The following MOGAT1 variants were observed in gnomAD, a reference collection of about 807,000 sequenced individuals.
MOGAT1 encodes 2-acylglycerol O-acyltransferase 1.
In MOGAT1, 32 loss-of-function variants were observed where a neutral mutation model predicts 31.4. The observed-to-expected ratio is 1.02, with a 90% confidence interval of 0.77 to 1.37. The LOEUF (loss-of-function observed/expected upper bound fraction) is 1.37, where lower values mean the gene tolerates loss of function less well. MOGAT1 is among the 40% of genes most tolerant of loss of function. The pLI is 0.00. For synonymous variants in MOGAT1, 145 were observed against 144.5 expected (o/e 1.00, Z -0.03); for missense variants, 426 against 402.0 (o/e 1.06, Z -0.51).
chr2:222,707,431 G>A (rs1693022570), intron 5 of MOGAT1, among the ~76,000 whole-genome samples: 1 of 151,308 alleles, frequency 6.6e-6, no homozygotes, highest in Admixed American at 6.6e-5. Context: ...GGGAAGGGAG[G>A]CAAGGAAGGG....
Position 222,691,194 on chromosome 2 carries a change from TTTTTA to T in MOGAT1, c.478+1745_478+1749del, listed in dbSNP as rs1175352956. 4.6e-5 allele frequency among the ~76,000 whole-genome samples: 7 copies of T among 151,752 alleles called. No homozygotes were observed. In the South Asian group the frequency reaches 1.2e-3, roughly 27 times the overall value. ...CCCTGGTTTCTTTTTATTTATTTATTTTTTATTTTATTTTATTTTATTTTTTTTGA... is the reference window on the plus strand; with the variant it reads ...CCCTGGTTTCTTTTTATTTATTTATTTTTTATTTTATTTTATTTTTTTTGA... On this transcript the variant is annotated intron_variant, in intron 3 of 5. Coordinates refer to ENST00000446656, the MANE Select transcript of MOGAT1 (RefSeq NM_058165.3).
intron 1 of MOGAT1, among the ~76,000 whole-genome samples, chr2:222,686,938 C>T (rs1046094424): frequency 6.6e-6 from 1 of 151,650 alleles, no homozygotes; most frequent in Non-Finnish European, 1.5e-5. Flanking sequence ...CATGGCAAAA[C>T]CCTGTCTCTA....
intron 1 of MOGAT1, among the ~76,000 whole-genome samples, chr2:222,675,023 T>C (rs1396498201): frequency 6.6e-6 from 1 of 152,216 alleles, no homozygotes; most frequent in Non-Finnish European, 1.5e-5. Context: ...ATAAGACCCA[T>C]GCATTATATT....
intron 5 of MOGAT1, among the ~76,000 whole-genome samples, chr2:222,700,602 TATAAG>T (rs1346159737): frequency 6.6e-6 from 1 of 152,170 alleles, no homozygotes; most frequent in Non-Finnish European, 1.5e-5. Flanking sequence ...GATCTTAAGG[TATAAG>T]AATGGGAGTC....
At chr2:222,688,655 C>A in intron 2 of MOGAT1, 133 bp downstream of exon 2, 1 of 656,526 alleles carries the variant, frequency 1.5e-6, no homozygotes, top group South Asian at 2.3e-5. Flanking sequence ...TAACAGAATA[C>A]CAAAGACTAG....
chr2:222,701,231 G>A (rs913623064), intron 5 of MOGAT1, among the ~76,000 whole-genome samples: 4 of 151,598 alleles, frequency 2.6e-5, no homozygotes, highest in East Asian at 1.9e-4. Flanking sequence ...CTGCACTCCA[G>A]CCTGGGTGAC....
At chr2:222,708,330 C>A (rs1418218981) in intron 5 of MOGAT1, among the ~76,000 whole-genome samples, 1 of 152,234 alleles carries the variant, frequency 6.6e-6, no homozygotes, top group East Asian at 1.9e-4. Context: ...GTGATCCACC[C>A]GCCTCAGCCT....
intron 5 of MOGAT1, among the ~76,000 whole-genome samples, chr2:222,697,728 C>T (rs1001099820): frequency 3.9e-5 from 6 of 151,972 alleles, no homozygotes; most frequent in Non-Finnish European, 5.9e-5. Context: ...CATGCACCAC[C>T]ACACTCAGCT....
At chr2:222,683,592 G>C (rs1393742926) in intron 1 of MOGAT1, among the ~76,000 whole-genome samples, 1 of 152,062 alleles carries the variant, frequency 6.6e-6, no homozygotes, top group Non-Finnish European at 1.5e-5. Flanking sequence ...GCCAGCCATA[G>C]TGGCACGTGC....
chr2:222,706,050 C>A (rs1693000258), intron 5 of MOGAT1, among the ~76,000 whole-genome samples: 1 of 152,154 alleles, frequency 6.6e-6, no homozygotes. Flanking sequence ...GGGTTTAAGT[C>A]GTATTAATTT....
rs1349691753 is a variant in MOGAT1, at chr2:222,671,854, G to A, written c.69G>A (p.Gln23=). The A allele has an allele frequency of 2.6e-6, 4 of 1,552,196 alleles. 1 individual carries two copies. In the South Asian group the frequency reaches 4.8e-5, roughly 18 times the overall value. Residue 23 remains glutamine (Q), a synonymous_variant, in exon 1 of 6, where the codon CAG becomes CAA. Coordinates refer to ENST00000446656, the MANE Select transcript of MOGAT1 (RefSeq NM_058165.3). ...GGCTGCAGACGGTGGCCGTGCTGCAGTGGGTCCTGAAATACCTGCTGCTCG... is the reference window on the plus strand; with the variant it reads ...GGCTGCAGACGGTGGCCGTGCTGCAATGGGTCCTGAAATACCTGCTGCTCG... ...ARRLQTVAVL[Q]WVLKYLLLGP... is the part of the protein sequence containing the mutation.
intron 1 of MOGAT1, among the ~76,000 whole-genome samples, chr2:222,684,419 A>C (rs1329576353): frequency 6.6e-6 from 1 of 152,140 alleles, no homozygotes; most frequent in Non-Finnish European, 1.5e-5. Context: ...AAAAAAAAGA[A>C]AGAAAGGATT....
intron 3 of MOGAT1, among the ~76,000 whole-genome samples, chr2:222,691,072 A>G (rs573528129): frequency 6.6e-6 from 1 of 152,316 alleles, no homozygotes; most frequent in Non-Finnish European, 1.5e-5. Context: ...GCCTTATCAG[A>G]CACATATACT....
chr2:222,681,231 G>A (rs1013634956), intron 1 of MOGAT1, among the ~76,000 whole-genome samples: 1 of 152,136 alleles, frequency 6.6e-6, no homozygotes, highest in African/African-American at 2.4e-5. Flanking sequence ...CAGGTGAAGA[G>A]CTCAGTCTAC....
intron 5 of MOGAT1, among the ~76,000 whole-genome samples, chr2:222,709,492 G>A (rs1225907887): frequency 5.3e-5 from 8 of 152,210 alleles, no homozygotes; most frequent in Non-Finnish European, 2.9e-5. Context: ...TAGCTCATTT[G>A]ACTCAAAGTC....
chr2:222,678,572 G>A (rs1018758863), intron 1 of MOGAT1, among the ~76,000 whole-genome samples: 3 of 152,184 alleles, frequency 2.0e-5, no homozygotes, highest in Non-Finnish European at 4.4e-5. Flanking sequence ...TTGAAGAGCA[G>A]AAGTTTTAAT....
rs753245903 is a variant in MOGAT1 at position 222,695,075 on chromosome 2, CT to C, written c.654-11del. On this transcript the variant is annotated splice_polypyrimidine_tract_variant and intron_variant, in intron 4 of 5. Coordinates refer to ENST00000446656, the MANE Select transcript of MOGAT1 (RefSeq NM_058165.3). Reference sequence around the variant, plus strand: ...TTCATTGAAAATTCTCACCCGTCCCCTTTGTTATTGCAGCGCCTCTCTGGTC... The same window carrying C: ...TTCATTGAAAATTCTCACCCGTCCCCTTGTTATTGCAGCGCCTCTCTGGTC... The C allele has an allele frequency of 2.5e-6, 4 of 1,570,416 alleles. No homozygotes were observed. In the East Asian group the frequency reaches 9.2e-5, roughly 36 times the overall value.
At chr2:222,676,633 T>A (rs1559227375) in intron 1 of MOGAT1, among the ~76,000 whole-genome samples, 1 of 152,210 alleles carries the variant, frequency 6.6e-6, no homozygotes, top group Admixed American at 6.5e-5. Flanking sequence ...TATATGACAG[T>A]TGCAGGTTTA....
chr2:222,676,404 T>C (rs1042982556), intron 1 of MOGAT1, among the ~76,000 whole-genome samples: 6 of 152,236 alleles, frequency 3.9e-5, no homozygotes, highest in African/African-American at 1.4e-4. Flanking sequence ...AGTGTAATTA[T>C]TTTGAGACGG....
Sources: allele counts gnomAD v4.1 joint callset (sites outside exome capture counted in the v4.1 genomes callset), GRCh38; gene constraint gnomAD v4.1.1; transcripts MANE v1.5; gene names NCBI Gene and HGNC (gene_info 2026-07-23, HGNC 2026-07-21).